The following N4BP1 variants were observed in gnomAD, a reference collection of about 807,000 sequenced individuals.
N4BP1 encodes the protein NEDD4-binding protein 1.
A neutral mutation model predicts 70.9 loss-of-function variants in N4BP1; 21 were observed. The observed-to-expected ratio is 0.30, with a 90% CI of 0.21 to 0.43. The LOEUF (loss-of-function observed/expected upper bound fraction) is 0.43. Ranked by LOEUF, N4BP1 falls within the 20% of genes least tolerant of loss-of-function variation. The pLI, the probability that N4BP1 is intolerant of heterozygous loss-of-function variation, is 1.00. For missense variants in N4BP1, 936 were observed against 1,069.4 expected, an observed-to-expected ratio of 0.88 and a Z score of 1.74; for synonymous variants, 387 against 394.6, an observed-to-expected ratio of 0.98 and a Z score of 0.23.
intron 1 of N4BP1, among the ~76,000 whole-genome samples, chr16:48,573,914 C>T (rs527889016): frequency 3.3e-4 from 51 of 152,284 alleles, no homozygotes; most frequent in African/African-American, 1.1e-3. Context: ...AGTGGATCTT[C>T]ATGAAGGCCT....
intron 1 of N4BP1, among the ~76,000 whole-genome samples, chr16:48,563,694 T>C (rs972639755): frequency 5.3e-5 from 8 of 152,112 alleles, no homozygotes; most frequent in Non-Finnish European, 1.0e-4. Context: ...TATCCTATGA[T>C]TTTTTTGTCT....
chr16:48,603,018 A>C (rs1322223701), intron 1 of N4BP1, among the ~76,000 whole-genome samples: 1 of 152,060 alleles, frequency 6.6e-6, no homozygotes, highest in African/African-American at 2.4e-5. Context: ...AGAAAAATTC[A>C]TGAAACCAGG....
chr16:48,596,494 G>A (rs1036721588), intron 1 of N4BP1, among the ~76,000 whole-genome samples: 3 of 152,156 alleles, frequency 2.0e-5, no homozygotes, highest in Non-Finnish European at 4.4e-5. Context: ...GTGACTGACG[G>A]CCCTTTCCCA....
Position 48,540,122 on chromosome 16 carries a change from A to T in N4BP1, c.*2782T>A, listed in dbSNP as rs1031531659. 1 of 152,552 alleles carries T rather than the reference A, an allele frequency of 6.6e-6. No individual in the cohort carries two copies. The highest frequency in any genetic ancestry group is 1.5e-5 in the Non-Finnish European group (1 of 68,218). The allele number at this position is 152,552 out of a possible 1,614,324, so 9.4% of individuals were successfully genotyped here. A position where few individuals can be genotyped will look rare whatever the true frequency, so the allele number is the denominator to read the frequency against. On this transcript the variant is annotated 3_prime_UTR_variant, in exon 7 of 7. Coordinates refer to ENST00000262384, the MANE Select transcript of N4BP1 (RefSeq NM_153029.4). ...TGATGAACAGACGGAGGTGAGCCAG[A>T]GACACCTCCTGGGCAAGTCGGCCAG...
chr16:48,583,194 T>C (rs1488800069), intron 1 of N4BP1, among the ~76,000 whole-genome samples: 1 of 152,064 alleles, frequency 6.6e-6, no homozygotes, highest in Non-Finnish European at 1.5e-5. Context: ...TACCAAAATA[T>C]GGTAAATATA....
intron 1 of N4BP1, among the ~76,000 whole-genome samples, chr16:48,576,664 C>G (rs1964099365): frequency 6.6e-6 from 1 of 152,120 alleles, no homozygotes; most frequent in Non-Finnish European, 1.5e-5. Flanking sequence ...TGTGTGAATC[C>G]CTTTGACTTC....
chr16:48,604,746 G>A (rs933406909), intron 1 of N4BP1, among the ~76,000 whole-genome samples: 3 of 151,958 alleles, frequency 2.0e-5, no homozygotes, highest in South Asian at 4.1e-4. Context: ...CGATGAATTC[G>A]ATGTGTATGA....
chr16:48,560,002 A>G (rs148404245), intron 2 of N4BP1, among the ~76,000 whole-genome samples: 1 of 152,296 alleles, frequency 6.6e-6, no homozygotes, highest in African/African-American at 2.4e-5. Flanking sequence ...TGAAACTCCG[A>G]ACAGTTAAGT....
chr16:48,567,895 C>A (rs1462126997), intron 1 of N4BP1, among the ~76,000 whole-genome samples: 3 of 152,122 alleles, frequency 2.0e-5, no homozygotes, highest in Admixed American at 2.0e-4. Context: ...GACTGCTTGA[C>A]CCAATGCTAT....
At chr16:48,609,361 G>A (rs548503673) in intron 1 of N4BP1, among the ~76,000 whole-genome samples, 4 of 152,324 alleles carry the variant, frequency 2.6e-5, no homozygotes, top group South Asian at 2.1e-4. Flanking sequence ...GCCCGGGACT[G>A]GGGGATAAAG....
intron 1 of N4BP1, among the ~76,000 whole-genome samples, chr16:48,584,268 G>A (rs2151096720): frequency 6.6e-6 from 1 of 152,312 alleles, no homozygotes; most frequent in African/African-American, 2.4e-5. Flanking sequence ...CTGTGTTGTT[G>A]TTAGTGCAAG....
intron 1 of N4BP1, among the ~76,000 whole-genome samples, chr16:48,576,312 T>A (rs1045645848): frequency 6.6e-6 from 1 of 152,196 alleles, no homozygotes; most frequent in African/African-American, 2.4e-5. Flanking sequence ...TTTCAACATT[T>A]GCTGTCTGTT....
intron 1 of N4BP1, among the ~76,000 whole-genome samples, chr16:48,564,493 G>T (rs1326259407): frequency 6.6e-6 from 1 of 152,098 alleles, no homozygotes; most frequent in Non-Finnish European, 1.5e-5. Flanking sequence ...GGAACTACTT[G>T]TGAGTTCCCT....
intron 4 of N4BP1, among the ~76,000 whole-genome samples, chr16:48,550,129 T>G (rs1041778310): frequency 6.6e-6 from 1 of 152,182 alleles, no homozygotes; most frequent in Non-Finnish European, 1.5e-5. Context: ...CAAAATTCTT[T>G]AGGGCAGAAG....
chr16:48,572,530 G>A (rs575191345), intron 1 of N4BP1, among the ~76,000 whole-genome samples: 3 of 152,170 alleles, frequency 2.0e-5, no homozygotes, highest in African/African-American at 7.2e-5. Context: ...ATACAATATA[G>A]AATAAAGACC....
chr16:48,594,361 T>A (rs1436109964), intron 1 of N4BP1, among the ~76,000 whole-genome samples: 1 of 152,222 alleles, frequency 6.6e-6, no homozygotes, highest in East Asian at 1.9e-4. Flanking sequence ...GAATATCCAG[T>A]GTTGCTTTTT....
At chr16:48,568,427 G>C (rs555700366) in intron 1 of N4BP1, among the ~76,000 whole-genome samples, 1 of 152,232 alleles carries the variant, frequency 6.6e-6, no homozygotes, top group Admixed American at 6.5e-5. Context: ...TCATTTTAAA[G>C]AAATCAAGAG....
intron 2 of N4BP1, among the ~76,000 whole-genome samples, chr16:48,558,064 T>C (rs1963783196): frequency 6.6e-6 from 1 of 152,184 alleles, no homozygotes; most frequent in African/African-American, 2.4e-5. Flanking sequence ...CACTTACATC[T>C]AGTTCCAAAA....
chr16:48,544,473 T>A (rs1209387881), intron 6 of N4BP1, among the ~76,000 whole-genome samples: 2 of 152,070 alleles, frequency 1.3e-5, no homozygotes, highest in Non-Finnish European at 2.9e-5. Context: ...CCCATGCAAA[T>A]ACCAGCTGGG....
Sources: gnomAD v4.1 joint callset for allele counts (sites outside exome capture counted in the v4.1 genomes callset) on GRCh38, gnomAD v4.1.1 for gene constraint, MANE v1.5 for transcripts, NCBI Gene and HGNC (gene_info 2026-07-23, HGNC 2026-07-21) for gene names.